Variants in NIBAN2 observed in about 807,000 individuals in gnomAD.
The protein encoded by NIBAN2 is niban apoptosis regulator 2, also known as protein Niban 2.
A neutral mutation model predicts 81.8 loss-of-function variants in NIBAN2; 36 were observed. That is an observed-to-expected ratio of 0.44 (90% CI 0.34 to 0.58). The LOEUF (loss-of-function observed/expected upper bound fraction) is 0.58, where lower values mean the gene tolerates loss of function less well. NIBAN2 is among the 20% of genes least tolerant of loss of function. NIBAN2 has a pLI of 0.02. For synonymous variants in NIBAN2, 445 were observed against 441.6 expected (o/e 1.01, Z -0.10); for missense variants, 897 against 1,014.1 (o/e 0.88, Z 1.57).
chr9:127,517,749 G>T lies in NIBAN2; in HGVS notation c.705+77C>A. The T allele has an allele frequency of 9.1e-7, 1 of 1,096,318 alleles. No homozygotes were observed. The highest frequency in any genetic ancestry group is 1.4e-6 in the Non-Finnish European group (1 of 731,412). The allele number at this position is 1,096,318 out of a possible 1,614,324, so 67.9% of individuals were successfully genotyped here. Reference sequence around the variant, plus strand: ...GGCAGCGCCCCAGAGCCCCATCTCTGTACCCCACCCCCTGCCCTCCCCTGC... The same window carrying T: ...GGCAGCGCCCCAGAGCCCCATCTCTTTACCCCACCCCCTGCCCTCCCCTGC... On this transcript the variant is annotated intron_variant, in intron 6 of 13. Transcript: ENST00000373312. This position sits in a 1 kb window ranked among gnomAD's most constrained non-coding sequence, Gnocchi z 4.0.
chr9:127,548,825 C>T (rs569218932), intron 1 of NIBAN2, among the ~76,000 whole-genome samples: 12 of 152,098 alleles, frequency 7.9e-5, no homozygotes, highest in Admixed American at 3.3e-4. Context: ...GGAAAACAGA[C>T]GCTGGGGAAG....
intron 1 of NIBAN2, among the ~76,000 whole-genome samples, chr9:127,550,290 AT>A (rs1837553127): frequency 6.6e-6 from 1 of 152,188 alleles, no homozygotes; most frequent in Admixed American, 6.5e-5. Flanking sequence ...TTCCTGACAC[AT>A]TGGGAAGCCC....
upstream of NIBAN2, among the ~76,000 whole-genome samples, chr9:127,571,216 C>CCCCTGGCCCAGGAAAGGGTTCCT (rs1564323650): frequency 2.7e-5 from 4 of 150,880 alleles, no homozygotes; most frequent in African/African-American, 9.8e-5. Flanking sequence ...CCATGTGAGG[C>CCCCTGGCCCAGGAAAGGGTTCCT]CCCTGGCCCA....
intron 1 of NIBAN2, among the ~76,000 whole-genome samples, chr9:127,546,997 T>C (rs1380561202): frequency 6.6e-6 from 1 of 150,492 alleles, no homozygotes; most frequent in Non-Finnish European, 1.5e-5. Context: ...AGGGAGTGTG[T>C]GCCAAGCAGA....
chr9:127,548,608 C>CT (rs1212856559), intron 1 of NIBAN2, among the ~76,000 whole-genome samples: 2 of 152,200 alleles, frequency 1.3e-5, no homozygotes, highest in Admixed American at 6.5e-5. Flanking sequence ...TTGTACTTCT[C>CT]TTTTTTTCTC....
chr9:127,576,651 G>T (rs528648864), intron 1 of NIBAN2, among the ~76,000 whole-genome samples: 1 of 150,648 alleles, frequency 6.6e-6, no homozygotes, highest in Non-Finnish European at 1.5e-5. Flanking sequence ...AGTGGCTCAC[G>T]CCTGTAATCC....
At chr9:127,577,149 A>C (rs1346866276) in intron 1 of NIBAN2, among the ~76,000 whole-genome samples, 1 of 151,930 alleles carries the variant, frequency 6.6e-6, no homozygotes, top group Non-Finnish European at 1.5e-5. Context: ...CTCTACTAAA[A>C]ATACAAAAAT....
At chr9:127,521,016 A>G (rs1588158867) in intron 5 of NIBAN2, among the ~76,000 whole-genome samples, 1 of 152,230 alleles carries the variant, frequency 6.6e-6, no homozygotes, top group East Asian at 1.9e-4. Flanking sequence ...CCAAGGAGAG[A>G]GGTCTCGGAG....
chr9:127,526,886 G>A (rs1477366570), intron 3 of NIBAN2, among the ~76,000 whole-genome samples: 2 of 152,148 alleles, frequency 1.3e-5, no homozygotes, highest in Non-Finnish European at 2.9e-5. Flanking sequence ...CAGGAGGAAC[G>A]CCCTGGAGCC....
intron 1 of NIBAN2, among the ~76,000 whole-genome samples, chr9:127,565,622 C>T (rs1837844570): frequency 1.3e-5 from 2 of 151,406 alleles, no homozygotes; most frequent in Non-Finnish European, 3.0e-5. Flanking sequence ...GTGAAACCCC[C>T]GTCTCTACTA....
upstream of NIBAN2, among the ~76,000 whole-genome samples, chr9:127,569,474 G>C (rs79903102): frequency 0.013 from 1,907 of 151,932 alleles, 27 homozygotes; most frequent in East Asian, 0.065. Flanking sequence ...GGGGACTCCA[G>C]CCTGAGTGTC....
At position 127,517,197 on chromosome 9, in the gene NIBAN2, A is replaced by G. The variant is rs1474571112; in HGVS notation, c.725T>C (p.Met242Thr). Residue 242 changes from methionine to threonine, a missense_variant, in exon 7 of 14, where the codon ATG (methionine) becomes ACG (threonine). Physicochemically the swap from Met to Thr is moderately conservative, Grantham distance 81 (BLOSUM62 -1). This residue lies in a region of NIBAN2 where 619 missense variants were observed against 691.0 expected (regional missense o/e 0.90). Transcript: ENST00000373312. This position sits in a 1 kb window ranked among gnomAD's most constrained non-coding sequence, Gnocchi z 4.0. ...CTTCAGCTCAGGGCCCAGCTCCTCC[A>G]TCACCAGGTTGCTCAGGATCTAGGT... ...NEVQILSNLV[M>T]EELGPELKAE... 3 of 1,613,886 alleles carry G rather than the reference A, an allele frequency of 1.9e-6. No individual in the cohort carries two copies. Among genetic ancestry groups the G allele is most frequent in the Non-Finnish European group, 2.5e-6 (3 of 1,179,942 alleles).
intron 5 of NIBAN2, among the ~76,000 whole-genome samples, chr9:127,523,456 GT>G (rs1465341339): frequency 4.0e-5 from 6 of 151,296 alleles, no homozygotes; most frequent in African/African-American, 1.5e-4. Flanking sequence ...ACACCCCTCT[GT>G]GAATAATTTC....
At position 127,517,888 on chromosome 9, in the gene NIBAN2, T is replaced by A. The variant is rs557183200; in HGVS notation, c.643A>T (p.Met215Leu). 1.9e-6 allele frequency: 3 copies of A among 1,613,626 alleles called. No individual in the cohort carries two copies. In the South Asian group the frequency reaches 3.3e-5, roughly 18 times the overall value. Residue 215 changes from methionine to leucine, a missense_variant, in exon 6 of 14, where the codon ATG (methionine) becomes TTG (leucine). Transcript: ENST00000373312. The surrounding 1 kb of genome is among the most constrained non-coding windows in gnomAD (Gnocchi z 4.0). ...TACAGCTCCTTGGACTGTCGGTACA[T>A]GCGGATGGCATCTGTGAACGCAGGG... Reference protein sequence around the residue: ...EGPAFTDAIRMYRQSKELYGT... With the variant: ...EGPAFTDAIRLYRQSKELYGT...
intron 2 of NIBAN2, among the ~76,000 whole-genome samples, chr9:127,530,532 G>A (rs1419610084): frequency 6.6e-6 from 1 of 152,100 alleles, no homozygotes; most frequent in African/African-American, 2.4e-5. Context: ...GGCTTTGCCA[G>A]CCCCCTCTGG....
At position 127,517,644 on chromosome 9, in the gene NIBAN2, GATGA is replaced by G. The variant is rs1315047295; in HGVS notation, c.705+178_705+181del. 6.6e-6 allele frequency among the ~76,000 whole-genome samples: 1 copy of G among 152,164 alleles called. No homozygotes were observed. Among genetic ancestry groups the G allele is most frequent in the African/African-American group, 2.4e-5 (1 of 41,416 alleles). On this transcript the variant is annotated intron_variant, in intron 6 of 13. Coordinates refer to ENST00000373312, the MANE Select transcript of NIBAN2 (RefSeq NM_022833.4). The surrounding 1 kb of genome is among the most constrained non-coding windows in gnomAD (Gnocchi z 4.0). ...GTAGGTGCTCAGATGCCCAGTAAGT[GATGA>G]ATAAGACAGCGAGTATCTCCACGTG...
At chr9:127,510,941 C>T (rs941318075) in intron 8 of NIBAN2, among the ~76,000 whole-genome samples, 23 of 152,132 alleles carry the variant, frequency 1.5e-4, no homozygotes, top group African/African-American at 5.1e-4. Flanking sequence ...CATTGTGTGA[C>T]CCTGAGGTTT....
rs1368040545 is a variant in NIBAN2, at chr9:127,507,062, C to T, written c.2024G>A (p.Gly675Glu). ...CTGGGGACTCTCCCCAGCGGGGGCC[C>T]CGTTGAGCAGGGGGCCGGCTGGTGG... ...SPPPAGPLLN[G>E]APAGESPQPK... The change falls in exon 14 of 14, where the codon GGG (glycine) becomes GAG (glutamate). Residue 675 changes from glycine (G) to glutamate (E), a missense_variant. Gly to Glu is a moderately conservative substitution (Grantham distance 98). This residue lies in a region of NIBAN2 where 619 missense variants were observed against 691.0 expected (regional missense o/e 0.90). Transcript: ENST00000373312. The surrounding 1 kb of genome is among the most constrained non-coding windows in gnomAD (Gnocchi z 6.8). 6.3e-7 allele frequency: 1 copy of T among 1,577,826 alleles called. No individual in the cohort carries two copies. Among genetic ancestry groups the T allele is most frequent in the Admixed American group, 1.8e-5 (1 of 54,304 alleles).
chr9:127,546,750 C>G (rs935863371), intron 1 of NIBAN2, among the ~76,000 whole-genome samples: 2 of 152,108 alleles, frequency 1.3e-5, no homozygotes, highest in Non-Finnish European at 2.9e-5. Flanking sequence ...TTATGTTGCT[C>G]TCACTCATTC....
Sources: gnomAD v4.1 joint callset for allele counts (sites outside exome capture counted in the v4.1 genomes callset) on GRCh38, gnomAD v4.1.1 for gene constraint, gnomAD v4.1.1 regional missense constraint, Gnocchi (gnomAD v3.1) non-coding constraint, MANE v1.5 for transcripts, NCBI Gene and HGNC (gene_info 2026-07-23, HGNC 2026-07-21) for gene names.